The following AKT3 variants were observed in gnomAD, a reference collection of about 807,000 sequenced individuals.
The protein encoded by AKT3 is RAC-gamma serine/threonine-protein kinase.
A neutral mutation model predicts 65.3 loss-of-function variants in AKT3; 15 were observed. That is an observed-to-expected ratio of 0.23 (90% CI 0.15 to 0.35). The LOEUF is 0.35. AKT3 is among the 10% of genes least tolerant of loss of function. AKT3 has a pLI of 1.00. For missense variants in AKT3, 243 were observed against 576.5 expected (o/e 0.42, Z 5.92); for synonymous variants, 206 against 183.8 (o/e 1.12, Z -0.98).
intron 9 of AKT3, among the ~76,000 whole-genome samples, chr1:243,570,854 G>A (rs1674507669): frequency 1.3e-5 from 2 of 152,170 alleles, no homozygotes; most frequent in African/African-American, 4.8e-5. Context: ...AATAAACTCA[G>A]GGAGCAGAGA....
intron 2 of AKT3, among the ~76,000 whole-genome samples, chr1:243,818,497 G>A (rs1330962977): frequency 6.6e-6 from 1 of 151,950 alleles, no homozygotes; most frequent in Non-Finnish European, 1.5e-5. Context: ...TCATTTACAA[G>A]AACAATTTTT....
intron 3 of AKT3, among the ~76,000 whole-genome samples, chr1:243,676,108 G>T (rs1486986045): frequency 6.6e-6 from 1 of 152,156 alleles, no homozygotes; most frequent in Non-Finnish European, 1.5e-5. Flanking sequence ...AACATAGTAG[G>T]TGCTTATAAA....
intron 8 of AKT3, among the ~76,000 whole-genome samples, chr1:243,586,938 T>C (rs1476328417): frequency 2.6e-5 from 4 of 151,966 alleles, no homozygotes; most frequent in Non-Finnish European, 5.9e-5. Flanking sequence ...GATTTAGCCA[T>C]ATAAAGTAGC....
intron 2 of AKT3, among the ~76,000 whole-genome samples, chr1:243,829,263 G>C (rs1317466018): frequency 6.6e-6 from 1 of 151,674 alleles, no homozygotes; most frequent in Non-Finnish European, 1.5e-5. Flanking sequence ...TATATTTACT[G>C]CTTGGCTCTT....
chr1:243,715,997 G>A (rs1686491034), intron 2 of AKT3, among the ~76,000 whole-genome samples: 1 of 152,092 alleles, frequency 6.6e-6, no homozygotes, highest in Non-Finnish European at 1.5e-5. Context: ...AGTTAAGTCT[G>A]TCAACAATTT....
Position 243,534,785 on chromosome 1 carries a change from T to C in AKT3, c.1251+10725A>G, listed in dbSNP as rs146560644. Among the ~76,000 whole-genome samples the C allele has an allele frequency of 3.6e-3, 542 of 152,308 alleles. 6 individuals carry two copies. The highest frequency in any genetic ancestry group is 0.013 in the African/African-American group (536 of 41,570). ...AATAATTCAATAAAACTTAAAACTA[T>C]TTGTAACTAAATGAAAATAAAACAT... On this transcript the variant is annotated intron_variant, in intron 12 of 13. Coordinates refer to ENST00000673466, the MANE Select transcript of AKT3 (RefSeq NM_005465.7).
At chr1:243,508,419 C>A (rs150005551) in intron 13 of AKT3, among the ~76,000 whole-genome samples, 1 of 152,314 alleles carries the variant, frequency 6.6e-6, no homozygotes, top group Non-Finnish European at 1.5e-5. Flanking sequence ...CCTGCAGATG[C>A]GTCGATGCTA....
At chr1:243,735,331 A>C (rs762541292) in intron 2 of AKT3, among the ~76,000 whole-genome samples, 1 of 152,370 alleles carries the variant, frequency 6.6e-6, no homozygotes, top group Admixed American at 6.5e-5. Flanking sequence ...CTATGATGTT[A>C]CATCACTAGG....
intron 2 of AKT3, among the ~76,000 whole-genome samples, chr1:243,719,750 GA>G (rs1178834822): frequency 6.6e-6 from 1 of 152,058 alleles, no homozygotes; most frequent in Non-Finnish European, 1.5e-5. Flanking sequence ...AAAGAACACT[GA>G]ACACAGATGT....
At chr1:243,495,781 G>T (rs1250176878), downstream of AKT3, among the ~76,000 whole-genome samples, 1 of 152,204 alleles carries the variant, frequency 6.6e-6, no homozygotes, top group Non-Finnish European at 1.5e-5. Context: ...GTGCGTTGGT[G>T]GCGAGCCAGA....
At position 243,759,499 on chromosome 1, in the gene AKT3, T is replaced by A. The variant is rs189929206; in HGVS notation, c.47-63783A>T. The stretch of plus-strand genomic sequence containing the variant: ...AATTACTAAATCATATTTTATGCTA[T>A]ACCTTCCCAAAATAACATGATGGGT... On this transcript the variant is annotated intron_variant, in intron 2 of 13. Transcript: ENST00000673466. Among the ~76,000 whole-genome samples the A allele has an allele frequency of 1.3e-4, 19 of 151,938 alleles. No individual in the cohort carries two copies. The East Asian group carries it at 3.7e-3, about 29-fold the overall frequency.
At chr1:243,614,276 T>C (rs1558654636) in intron 7 of AKT3, among the ~76,000 whole-genome samples, 1 of 152,100 alleles carries the variant, frequency 6.6e-6, no homozygotes, top group Non-Finnish European at 1.5e-5. Context: ...CACTAGACAA[T>C]AAACACACCA....
At chr1:243,691,289 A>G (rs989225953) in intron 3 of AKT3, among the ~76,000 whole-genome samples, 2 of 152,208 alleles carry the variant, frequency 1.3e-5, no homozygotes, top group Admixed American at 6.5e-5. Flanking sequence ...GAGATCCTGC[A>G]AGAGTTGAAA....
chr1:243,492,905 C>T (rs898709655), intron 13 of AKT3, among the ~76,000 whole-genome samples: 4 of 152,138 alleles, frequency 2.6e-5, no homozygotes, highest in African/African-American at 9.7e-5. Context: ...TGCCCGGCCT[C>T]TTGGCTTGTT....
intron 12 of AKT3, among the ~76,000 whole-genome samples, chr1:243,524,011 A>G (rs1429592130): frequency 6.6e-6 from 1 of 152,214 alleles, no homozygotes; most frequent in Admixed American, 6.5e-5. Flanking sequence ...TAGATGGTGT[A>G]ACCTACAACA....
At chr1:243,671,130 G>C (rs919332397) in intron 3 of AKT3, among the ~76,000 whole-genome samples, 25 of 149,274 alleles carry the variant, frequency 1.7e-4, no homozygotes, top group Admixed American at 1.7e-3. Flanking sequence ...CCAGGCTGGA[G>C]TGCAGTGGCG....
Position 243,616,307 on chromosome 1 carries a change from T to TAAAAAAA in AKT3, c.562-1153_562-1147dup, listed in dbSNP as rs57576796. On this transcript the variant is annotated intron_variant, in intron 6 of 13. Transcript: ENST00000673466. ...GACTACAGGTTTAATGTGCTTTTCT[T>TAAAAAAA]AAAAAAAAAAAAAAAAAAAAAAAAA... 2.4e-3 allele frequency among the ~76,000 whole-genome samples: 163 copies of TAAAAAAA among 66,758 alleles called. 10 individuals are homozygous for TAAAAAAA. The highest frequency in any genetic ancestry group is 9.0e-3 in the African/African-American group (153 of 17,036). 43.8% of individuals were successfully genotyped at this position (66,758 alleles called of 152,430 possible).
intron 13 of AKT3, chr1:243,489,052 A>G (rs748157088): frequency 1.2e-6 from 2 of 1,613,462 alleles, no homozygotes; most frequent in Non-Finnish European, 1.7e-6. Flanking sequence ...GCCACAGCCC[A>G]GCAGCTGGTG....
chr1:243,521,530 A>C (rs1054094971), intron 12 of AKT3, among the ~76,000 whole-genome samples: 1 of 152,240 alleles, frequency 6.6e-6, no homozygotes, highest in Non-Finnish European at 1.5e-5. Context: ...TTGTATGCTA[A>C]GCTGTGCCAT....
Sources: allele counts gnomAD v4.1 joint callset (sites outside exome capture counted in the v4.1 genomes callset), GRCh38; gene constraint gnomAD v4.1.1; transcripts MANE v1.5; gene names NCBI Gene and HGNC (gene_info 2026-07-23, HGNC 2026-07-21).